Variants in PDE1A observed in about 807,000 individuals in gnomAD.
PDE1A encodes phosphodiesterase 1A, also known as dual specificity calcium/calmodulin-dependent 3',5'-cyclic nucleotide phosphodiesterase 1A.
PDE1A carries 35 observed loss-of-function variants against 61.7 expected under a neutral mutation model. That is an observed-to-expected ratio of 0.57 (90% CI 0.43 to 0.75). PDE1A has a LOEUF of 0.75. PDE1A is among the 30% of genes least tolerant of loss of function. The pLI is 0.00. For missense variants in PDE1A, 597 were observed against 630.6 expected, an observed-to-expected ratio of 0.95 and a Z score of 0.57; for synonymous variants, 232 against 213.2, an observed-to-expected ratio of 1.09 and a Z score of -0.77.
At chr2:182,179,004 A>G (rs900926912) in intron 13 of PDE1A, among the ~76,000 whole-genome samples, 1 of 152,146 alleles carries the variant, frequency 6.6e-6, no homozygotes, top group African/African-American at 2.4e-5. Flanking sequence ...AGGGACTGCA[A>G]TGCCATCTAA....
At chr2:182,449,992 C>T (rs1400508398) in intron 2 of PDE1A, among the ~76,000 whole-genome samples, 1 of 152,024 alleles carries the variant, frequency 6.6e-6, no homozygotes, top group South Asian at 2.1e-4. Context: ...CCATGTAAAG[C>T]ATTTATAATG....
chr2:182,187,608 TTATAG>T (rs1304691009), intron 11 of PDE1A, among the ~76,000 whole-genome samples: 7 of 152,204 alleles, frequency 4.6e-5, no homozygotes, highest in Non-Finnish European at 1.0e-4. Flanking sequence ...ACTGGATTAC[TTATAG>T]TATATAATAA....
At chr2:182,472,683 T>C (rs1687103982) in intron 2 of PDE1A, among the ~76,000 whole-genome samples, 1 of 151,878 alleles carries the variant, frequency 6.6e-6, no homozygotes, top group African/African-American at 2.4e-5. Context: ...GTAGCAAAAT[T>C]GCACTTGTAC....
chr2:182,605,668 C>T, the PDE1A span, among the ~76,000 whole-genome samples: 1 of 152,178 alleles, frequency 6.6e-6, no homozygotes, highest in Non-Finnish European at 1.5e-5. Context: ...GTCATCAATC[C>T]ATTGATCCAG....
chr2:182,385,626 A>AAATAAAGAAG (rs1700988175), intron 1 of PDE1A, among the ~76,000 whole-genome samples: 4 of 96,210 alleles, frequency 4.2e-5, no homozygotes, highest in African/African-American at 1.3e-4. Flanking sequence ...AAACAGAAAG[A>AAATAAAGAAG]AAGAAAGAAA....
chr2:182,355,693 G>A (rs1469731852), intron 1 of PDE1A, among the ~76,000 whole-genome samples: 1 of 151,868 alleles, frequency 6.6e-6, no homozygotes, highest in Non-Finnish European at 1.5e-5. Flanking sequence ...ATAGTTTCAT[G>A]GTAAAATTTT....
intron 1 of PDE1A, among the ~76,000 whole-genome samples, chr2:182,385,311 C>T (rs1053282418): frequency 1.8e-4 from 27 of 151,814 alleles, no homozygotes; most frequent in Non-Finnish European, 3.5e-4. Context: ...AACTTCAGTG[C>T]GAAGGTTGAC....
exon 7 of PDE1A, chr2:182,223,875 G>A (rs1461910410): frequency 1.3e-6 from 2 of 1,576,128 alleles, no homozygotes; most frequent in East Asian, 2.3e-5. Flanking sequence ...TTGTCTGAAT[G>A]TGAAAGTTGT....
chr2:182,434,268 T>C (rs1470735698), intron 2 of PDE1A, among the ~76,000 whole-genome samples: 1 of 152,098 alleles, frequency 6.6e-6, no homozygotes, highest in East Asian at 1.9e-4. Flanking sequence ...TTTGTAAAAC[T>C]TACATTCGTG....
chr2:182,655,409 ACT>A, the PDE1A span, among the ~76,000 whole-genome samples: 17 of 151,534 alleles, frequency 1.1e-4, no homozygotes, highest in African/African-American at 4.1e-4. Context: ...AAGTCAATAA[ACT>A]CTCCACTTAC....
chr2:182,241,913 A>C lies in PDE1A; in HGVS notation c.168-1621T>G, dbSNP rs182089527. On this transcript the variant is annotated intron_variant, in intron 2 of 13. Transcript: ENST00000351439. ...AAATAGTTTGTTTATCTTTTTGCCC[A>C]TTTGAAATTAGATTCCCTAGCCCAT... 872 of 1,530,952 alleles carry C rather than the reference A, an allele frequency of 5.7e-4. 12 individuals are homozygous for C. The East Asian group carries it at 0.016, about 29-fold the overall frequency. The allele number at this position is 1,530,952 out of a possible 1,614,324, so 94.8% of individuals were successfully genotyped here.
chr2:182,695,008 A>AT, the PDE1A span, among the ~76,000 whole-genome samples: 10 of 152,092 alleles, frequency 6.6e-5, no homozygotes, highest in Admixed American at 5.9e-4. Context: ...CCATTGTAAA[A>AT]TTTTTTTAAT....
At chr2:182,189,588 A>C (rs1045684000) in intron 10 of PDE1A, among the ~76,000 whole-genome samples, 28 of 149,404 alleles carry the variant, frequency 1.9e-4, no homozygotes, top group African/African-American at 5.9e-4. Context: ...ACATTCTTAC[A>C]TTCAGTGTGC....
chr2:182,300,702 T>C (rs1039903516), intron 1 of PDE1A, among the ~76,000 whole-genome samples: 2 of 152,212 alleles, frequency 1.3e-5, no homozygotes, highest in Non-Finnish European at 2.9e-5. Context: ...ATGTATATCT[T>C]GGCCTCTTGT....
upstream of PDE1A, among the ~76,000 whole-genome samples, chr2:182,524,630 A>G (rs1227136016): frequency 6.6e-6 from 1 of 152,116 alleles, no homozygotes; most frequent in African/African-American, 2.4e-5. Flanking sequence ...TAGATAAAAT[A>G]GCTTATTATT....
chr2:182,527,303 TAAAAAAAA>T (rs869281717), upstream of PDE1A, among the ~76,000 whole-genome samples: 324 of 22,822 alleles, frequency 0.014, 18 homozygotes, highest in African/African-American at 0.057. Context: ...CCTTTCTCTA[TAAAAAAAA>T]AAAAAAAAAA....
At chr2:182,416,390 C>T (rs922589408) in intron 1 of PDE1A, among the ~76,000 whole-genome samples, 4 of 152,196 alleles carry the variant, frequency 2.6e-5, no homozygotes, top group Non-Finnish European at 4.4e-5. Flanking sequence ...TAACTTCCAT[C>T]TGTTATTTCT....
chr2:182,315,527 T>C (rs1696281828), intron 1 of PDE1A, among the ~76,000 whole-genome samples: 1 of 152,166 alleles, frequency 6.6e-6, no homozygotes, highest in African/African-American at 2.4e-5. Flanking sequence ...TTTACATGTA[T>C]TGGTTGAAAA....
chr2:182,426,064 T>A (rs533327279), intron 1 of PDE1A, among the ~76,000 whole-genome samples: 27 of 152,316 alleles, frequency 1.8e-4, no homozygotes, highest in East Asian at 1.7e-3. Flanking sequence ...GTGTAAAATT[T>A]TTCCTATCAC....
Sources: gnomAD v4.1 joint callset for allele counts (sites outside exome capture counted in the v4.1 genomes callset) on GRCh38, gnomAD v4.1.1 for gene constraint, MANE v1.5 for transcripts, NCBI Gene and HGNC (gene_info 2026-07-23, HGNC 2026-07-21) for gene names.